DRC12: variants seen among roughly 807,000 people sequenced by gnomAD.
DRC12 encodes the protein dynein regulatory complex protein 12.
At chr11:119,193,445 C>G in the DRC12 span, 21 of 938,082 alleles carry the variant, frequency 2.2e-5, no homozygotes, top group Non-Finnish European at 2.8e-5. Flanking sequence ...CTACCTCCCC[C>G]AGTCCAGCTT....
At chr11:119,193,295 G>A in the DRC12 span, 1 of 1,478,220 alleles carries the variant, frequency 6.8e-7, no homozygotes, top group Non-Finnish European at 9.4e-7. Context: ...ATGGAGGGAT[G>A]GAGAAAGGAA....
At chr11:119,193,637 T>C in the DRC12 span, 1 of 1,476,882 alleles carries the variant, frequency 6.8e-7, no homozygotes, top group Non-Finnish European at 9.0e-7. Context: ...TTGTACTGTT[T>C]GGGAAAGACC....
the DRC12 span, chr11:119,190,312 G>A: frequency 6.2e-7 from 1 of 1,614,172 alleles, no homozygotes; most frequent in Non-Finnish European, 8.5e-7. This position sits in a 1 kb window ranked among gnomAD's most constrained non-coding sequence, Gnocchi z 4.2. Context: ...AGAGACTAGG[G>A]GCTGGTGGCC....
the DRC12 span, chr11:119,195,589 A>G: frequency 2.2e-6 from 2 of 924,406 alleles, no homozygotes; most frequent in Non-Finnish European, 3.4e-6. Flanking sequence ...TCCTGAGTCC[A>G]AATTTGTCTC....
chr11:119,193,410 C>T, the DRC12 span: 1 of 842,858 alleles, frequency 1.2e-6, no homozygotes, highest in Non-Finnish European at 1.8e-6. Context: ...CCATGAAAAC[C>T]TGAGGAAGGG....
the DRC12 span, chr11:119,190,560 CCT>C: frequency 6.4e-7 from 1 of 1,554,712 alleles, no homozygotes; most frequent in Admixed American, 1.7e-5. The surrounding 1 kb of genome is among the most constrained non-coding windows in gnomAD (Gnocchi z 4.2). Context: ...GGTCGTATCC[CCT>C]CTGTCTGCCC....
the DRC12 span, chr11:119,195,749 T>C: frequency 7.0e-6 from 3 of 425,710 alleles, no homozygotes; most frequent in South Asian, 2.9e-5. Flanking sequence ...ACGAAATCCC[T>C]GTACCTGCTC....
chr11:119,190,494 GA>G, the DRC12 span: 1 of 1,611,676 alleles, frequency 6.2e-7, no homozygotes, highest in Non-Finnish European at 8.5e-7. The surrounding 1 kb of genome is among the most constrained non-coding windows in gnomAD (Gnocchi z 4.2). Context: ...GAGAGAGAGG[GA>G]AGGAGTGAGT....
At chr11:119,193,693 G>A in the DRC12 span, 9 of 1,531,934 alleles carry the variant, frequency 5.9e-6, no homozygotes, top group African/African-American at 1.1e-4. Flanking sequence ...TCCCTTCCTT[G>A]CATCAACTGA....
At chr11:119,195,121 C>T in the DRC12 span, 1 of 766,718 alleles carries the variant, frequency 1.3e-6, no homozygotes, top group African/African-American at 1.7e-5. Context: ...GAGGTATCCA[C>T]AGTGGCAGAG....
chr11:119,190,537 G>A, the DRC12 span: 1 of 1,582,688 alleles, frequency 6.3e-7, no homozygotes, highest in South Asian at 1.1e-5. This position sits in a 1 kb window ranked among gnomAD's most constrained non-coding sequence, Gnocchi z 4.2. Context: ...AGCTTTCCTT[G>A]CCCAGTAGAC....
the DRC12 span, chr11:119,193,433 A>T: frequency 1.1e-6 from 1 of 897,298 alleles, no homozygotes; most frequent in Non-Finnish European, 1.7e-6. Flanking sequence ...AGGAAGCCCG[A>T]CCTACCTCCC....
chr11:119,195,585 G>T, the DRC12 span: 7 of 919,258 alleles, frequency 7.6e-6, no homozygotes, highest in Non-Finnish European at 1.0e-5. Context: ...ACTCTCCTGA[G>T]TCCAAATTTG....
chr11:119,193,647 C>A, the DRC12 span: 11 of 1,485,896 alleles, frequency 7.4e-6, no homozygotes, highest in Middle Eastern at 1.8e-4. Context: ...TGGGAAAGAC[C>A]AAGACCAGGC....
At chr11:119,192,266 G>A in the DRC12 span, among the ~76,000 whole-genome samples, 10 of 152,238 alleles carry the variant, frequency 6.6e-5, no homozygotes, top group East Asian at 3.9e-4. Flanking sequence ...GTGAGCCACC[G>A]CACCCGGTTG....
chr11:119,192,808 G>A, the DRC12 span, among the ~76,000 whole-genome samples: 3 of 152,060 alleles, frequency 2.0e-5, no homozygotes, highest in African/African-American at 7.2e-5. Context: ...CACCACATCC[G>A]GCTAATTTTT....
chr11:119,194,272 C>T, the DRC12 span, among the ~76,000 whole-genome samples: 4 of 151,716 alleles, frequency 2.6e-5, no homozygotes, highest in East Asian at 1.9e-4. Flanking sequence ...CCCAGCACTT[C>T]GGGAGGCCAA....
chr11:119,193,256 C>T, the DRC12 span: 45 of 1,611,138 alleles, frequency 2.8e-5, no homozygotes, highest in Non-Finnish European at 3.4e-5. Context: ...GGGGTGGGGG[C>T]AGTGGGCCAC....
the DRC12 span, chr11:119,194,000 C>CT: frequency 3.0e-6 from 3 of 994,224 alleles, no homozygotes; most frequent in Non-Finnish European, 4.4e-6. Context: ...TGTCCAGCCT[C>CT]TTACTCTCTC....
Sources: allele counts gnomAD v4.1 joint callset (sites outside exome capture counted in the v4.1 genomes callset), GRCh38; gene constraint gnomAD v4.1.1; non-coding constraint Gnocchi (gnomAD v3.1); transcripts MANE v1.5; gene names NCBI Gene and HGNC (gene_info 2026-07-23, HGNC 2026-07-21).